Variants in HEATR1 observed in about 807,000 individuals in gnomAD.
HEATR1 encodes HEAT repeat-containing protein 1.
Under a neutral mutation model 248.2 loss-of-function variants are expected in HEATR1, and 77 were observed. That is an observed-to-expected ratio of 0.31 (90% CI 0.26 to 0.37). The LOEUF (loss-of-function observed/expected upper bound fraction) is 0.37, where lower values mean the gene tolerates loss of function less well. Ranked by LOEUF, HEATR1 falls within the 10% of genes least tolerant of loss-of-function variation. HEATR1 has a pLI of 1.00. For synonymous variants in HEATR1, 897 were observed against 923.1 expected (o/e 0.97, Z 0.51); for missense variants, 2,420 against 2,504.9 (o/e 0.97, Z 0.72).
rs1382259234 is a variant in HEATR1 at position 236,555,560 on chromosome 1, C to T, written c.5745G>A (p.Leu1915=). The T allele has an allele frequency of 6.2e-7, 1 of 1,614,072 alleles. No homozygotes were observed. Among genetic ancestry groups the T allele is most frequent in the African/African-American group, 1.3e-5 (1 of 74,930 alleles). ...VKLSEVTFRP[L]FFKLFDWAKT... ...AGGAAGAAAGCGTCACCTTGAAGAA[C>T]AGGGGCCTGAATGTGACCTCGGAAA... Residue 1915 remains leucine (L), a synonymous_variant, in exon 40 of 45, where the codon CTG becomes CTA. Coordinates refer to ENST00000366582, the MANE Select transcript of HEATR1 (RefSeq NM_018072.6).
chr1:236,592,730 T>C, intron 9 of HEATR1, 97 bp from the exon 10 acceptor site: 1 of 573,272 alleles, frequency 1.7e-6, no homozygotes, highest in Non-Finnish European at 3.2e-6. Context: ...TATCTCTAAT[T>C]GTCATACTTA....
At chr1:236,568,674 A>T (rs1663336703) in intron 29 of HEATR1, among the ~76,000 whole-genome samples, 1 of 152,174 alleles carries the variant, frequency 6.6e-6, no homozygotes. Context: ...AATGTCCTGA[A>T]ATAGATGGTG....
In HEATR1 at chr1:236,594,046, A is replaced by G. The variant is rs1458983144; in HGVS notation, c.1159T>C (p.Ser387Pro). ...AAATGGTCTAAGTTGTTCTTCAGTG[A>G]TATTTTTGTAAGTATAGCTTCTAAG... ...RHLEAILTKI[S>P]LKNNLDHLLA... The change falls in exon 9 of 45, where the codon TCA becomes CCA. Residue 387 changes from serine to proline, a missense_variant. Physicochemically the swap from Ser to Pro is moderately conservative, Grantham distance 74. Coordinates refer to ENST00000366582, the MANE Select transcript of HEATR1 (RefSeq NM_018072.6). The G allele has an allele frequency of 9.4e-6, 15 of 1,599,950 alleles. No homozygotes were observed. The highest frequency in any genetic ancestry group is 1.7e-5 in the Admixed American group (1 of 57,254).
At chr1:236,577,207 A>C (rs1339734739) in intron 20 of HEATR1, among the ~76,000 whole-genome samples, 1 of 152,202 alleles carries the variant, frequency 6.6e-6, no homozygotes, top group Non-Finnish European at 1.5e-5. Context: ...GACATTGCGC[A>C]ATGGTGCAAT....
chr1:236,598,067 T>A, intron 4 of HEATR1, 88 bp from the exon 5 acceptor site: 2 of 726,122 alleles, frequency 2.8e-6, no homozygotes, highest in Non-Finnish European at 4.7e-6. Context: ...GTCTTCATAC[T>A]GCTACAATTC....
At chr1:236,558,900 T>A (rs1663048265) in intron 35 of HEATR1, 95 bp downstream of exon 35, 6 of 1,083,144 alleles carry the variant, frequency 5.5e-6, no homozygotes, top group Non-Finnish European at 7.9e-6. Flanking sequence ...TACTTCAATT[T>A]GAAATTGTAC....
At chr1:236,594,159 G>T in intron 8 of HEATR1, 45 bp from the exon 9 acceptor site, 1 of 1,243,526 alleles carries the variant, frequency 8.0e-7, no homozygotes, top group Non-Finnish European at 1.2e-6. Flanking sequence ...AATTTATTTT[G>T]CAAGCTAACA....
chr1:236,595,402 T>C, intron 8 of HEATR1, 138 bp downstream of exon 8: 2 of 660,382 alleles, frequency 3.0e-6, no homozygotes, highest in Non-Finnish European at 4.9e-6. Flanking sequence ...TGTTTCTCAC[T>C]TAAGAAATAG....
chr1:236,581,532 T>C (rs926970593), intron 19 of HEATR1, 118 bp from the exon 20 acceptor site: 3 of 681,850 alleles, frequency 4.4e-6, no homozygotes, highest in Non-Finnish European at 4.6e-6. Flanking sequence ...AAAGTTTTGC[T>C]TTGTCTAATC....
At chr1:236,561,172 A>AT in intron 33 of HEATR1, 53 bp downstream of exon 33, 1 of 1,261,550 alleles carries the variant, frequency 7.9e-7, no homozygotes, top group Non-Finnish European at 1.2e-6. Flanking sequence ...CAGGTTTTCT[A>AT]TAAGTTTGAA....
At chr1:236,571,966 G>C (rs114579695) in intron 26 of HEATR1, among the ~76,000 whole-genome samples, 350 of 151,986 alleles carry the variant, frequency 2.3e-3, no homozygotes, top group African/African-American at 8.0e-3. Flanking sequence ...GAATTACTTT[G>C]CCTTTCACAT....
intron 17 of HEATR1, among the ~76,000 whole-genome samples, chr1:236,584,803 A>G (rs1223026513): frequency 1.3e-5 from 2 of 152,224 alleles, no homozygotes; most frequent in African/African-American, 2.4e-5. Context: ...TCAGATACAA[A>G]ATATTGCAAC....
At position 236,571,704 on chromosome 1, in the gene HEATR1, G is replaced by A. The variant is rs1663432173; in HGVS notation, c.3708-18C>T. On this transcript the variant is annotated intron_variant, in intron 26 of 44. Coordinates refer to ENST00000366582, the MANE Select transcript of HEATR1 (RefSeq NM_018072.6). ...CTAAACATCTTCAGGACACCCAAAA[G>A]AGAAATGATGGGAAATGTAAAAGTT... 1 of 1,529,794 alleles carries A rather than the reference G, an allele frequency of 6.5e-7. No individual in the cohort carries two copies. Among genetic ancestry groups the A allele is most frequent in the South Asian group, 1.1e-5 (1 of 88,940 alleles). 94.8% of individuals were successfully genotyped at this position (1,529,794 alleles called of 1,614,324 possible).
intron 28 of HEATR1, 103 bp downstream of exon 28, chr1:236,571,248 C>T: frequency 7.2e-7 from 1 of 1,381,492 alleles, no homozygotes; most frequent in Non-Finnish European, 9.7e-7. Flanking sequence ...TGGAAGATTC[C>T]AAAGCCTAAT....
At chr1:236,576,485 T>A (rs116428688) in intron 21 of HEATR1, 108 bp from the exon 22 acceptor site, 16,603 of 883,770 alleles carry the variant, frequency 0.019, 197 homozygotes, top group Non-Finnish European at 0.022. Flanking sequence ...TTGTTTATAA[T>A]TTTCCATTTC....
At chr1:236,574,405 A>T in intron 23 of HEATR1, 72 bp from the exon 24 acceptor site, 2 of 1,481,464 alleles carry the variant, frequency 1.4e-6, no homozygotes, top group South Asian at 2.5e-5. Context: ...TTTTATATCA[A>T]CCTCTCTCAA....
In HEATR1 at chr1:236,595,838, C is replaced by T. The variant is rs1292081579; in HGVS notation, c.951G>A (p.Gly317=). The change falls in exon 7 of 45, where the codon GGG becomes GGA. Residue 317 remains glycine (G), a synonymous_variant. Transcript: ENST00000366582. ...CTCAATTCAATTGTACATACTTTTT[C>T]CCAAGGCTCTCTGGCTTCTGTCTCT... The part of the protein sequence containing the change: ...LLQRQKPESL[G]KKPFPHLCNV... The T allele has an allele frequency of 6.2e-7, 1 of 1,612,464 alleles. No homozygotes were observed. The highest frequency in any genetic ancestry group is 1.1e-5 in the South Asian group (1 of 90,932).
chr1:236,574,239 G>C lies in HEATR1; in HGVS notation c.3422C>G (p.Ser1141Ter). Reference sequence around the variant, plus strand: ...ACTGCTGACAGTCTGAGCACAATGTGAGTTTTTACAGTTCACCAATAAATC... The same window carrying C: ...ACTGCTGACAGTCTGAGCACAATGTCAGTTTTTACAGTTCACCAATAAATC... ...LFDLLVNCKN[S>*]HCAQTVSSVF... is the part of the protein sequence containing the mutation. The change falls in exon 24 of 45, where the codon TCA becomes TGA. Residue 1141 changes from serine to a stop codon, truncating the protein, a stop_gained. Transcript: ENST00000366582. LOFTEE classifies it high-confidence loss of function. 1 of 1,612,830 alleles carries C rather than the reference G, an allele frequency of 6.2e-7. No homozygotes were observed. Among genetic ancestry groups the C allele is most frequent in the Non-Finnish European group, 8.5e-7 (1 of 1,179,480 alleles).
intron 29 of HEATR1, 98 bp downstream of exon 29, chr1:236,568,893 AAAAAC>A (rs1663345148): frequency 3.3e-5 from 20 of 607,678 alleles, no homozygotes; most frequent in South Asian, 2.7e-4. Flanking sequence ...ATTAAAAAAA[AAAAAC>A]AAAAAAAAAA....
Sources: allele counts gnomAD v4.1 joint callset (sites outside exome capture counted in the v4.1 genomes callset), GRCh38; gene constraint gnomAD v4.1.1; transcripts MANE v1.5; gene names NCBI Gene and HGNC (gene_info 2026-07-23, HGNC 2026-07-21).